The following CDK13 variants were observed in gnomAD, a reference collection of about 807,000 sequenced individuals.
CDK13 encodes the protein cyclin dependent kinase 13.
In CDK13, 40 loss-of-function variants were observed where a neutral mutation model predicts 137.6. The observed-to-expected ratio is 0.29, with a 90% CI of 0.23 to 0.38. The LOEUF is 0.38. Among genes scored for constraint, CDK13 ranks in the 10% least tolerant of loss-of-function variants. The pLI, the probability that CDK13 is intolerant of heterozygous loss-of-function variation, is 1.00. For missense variants in CDK13, 1,704 were observed against 1,951.8 expected (o/e 0.87, Z 2.39); for synonymous variants, 869 against 760.1 (o/e 1.14, Z -2.36).
intron 5 of CDK13, among the ~76,000 whole-genome samples, chr7:40,006,225 T>C (rs553145709): frequency 1.3e-5 from 2 of 152,286 alleles, no homozygotes; most frequent in African/African-American, 4.8e-5. Context: ...CGTGTTCCTC[T>C]AGGTACTCAG....
chr7:39,965,439 C>T (rs1239874853), intron 1 of CDK13, among the ~76,000 whole-genome samples: 9 of 152,136 alleles, frequency 5.9e-5, no homozygotes, highest in Non-Finnish European at 7.4e-5. Context: ...AGGATTGCGA[C>T]CACTGCCTTT....
intron 5 of CDK13, among the ~76,000 whole-genome samples, chr7:40,025,819 A>G (rs1279007329): frequency 6.6e-6 from 1 of 152,210 alleles, no homozygotes; most frequent in Non-Finnish European, 1.5e-5. Context: ...CTTGCCTTAT[A>G]TGAACACTTA....
chr7:40,077,874 A>C, intron 9 of CDK13, 131 bp from the exon 10 acceptor site: 1 of 519,122 alleles, frequency 1.9e-6, no homozygotes, highest in South Asian at 3.8e-5. Context: ...GAAAGAATAA[A>C]ATAACAAAAG....
At position 39,951,632 on chromosome 7, in the gene CDK13, G is replaced by A; in HGVS notation, c.991G>A (p.Ala331Thr). ...GRDDSPVSHR[A>T]SQSLRSRKSP... ...GGACGACAGCCCGGTGTCCCACAGGGCCTCTCAGAGCCTGAGGAGCCGCAA... is the reference window on the plus strand; with the variant it reads ...GGACGACAGCCCGGTGTCCCACAGGACCTCTCAGAGCCTGAGGAGCCGCAA... The change falls in exon 1 of 14, where the codon GCC (alanine) becomes ACC (threonine). Residue 331 changes from alanine to threonine, a missense_variant. Ala to Thr is a moderately conservative substitution (Grantham distance 58, BLOSUM62 0). Coordinates refer to ENST00000181839, the MANE Select transcript of CDK13 (RefSeq NM_003718.5). The A allele has an allele frequency of 6.8e-7, 1 of 1,476,796 alleles. No homozygotes were observed. Among genetic ancestry groups the A allele is most frequent in the South Asian group, 1.4e-5 (1 of 73,278 alleles). The allele number at this position is 1,476,796 out of a possible 1,614,324, so 91.5% of individuals were successfully genotyped here.
intron 5 of CDK13, among the ~76,000 whole-genome samples, chr7:40,021,501 AAAT>A (rs1785125067): frequency 2.6e-5 from 4 of 152,180 alleles, no homozygotes; most frequent in Admixed American, 2.6e-4. Context: ...AAAAAAAAGG[AAAT>A]AATAATTTGT....
At position 40,033,835 on chromosome 7, in the gene CDK13, T is replaced by C. The variant is rs80307577; in HGVS notation, c.2354-12001T>C. ...GGTCTGTAGTCTCTACAAGTACTTC[T>C]AAGTTTTGGTTTTTCCCTGCAGTGA... On this transcript the variant is annotated intron_variant, in intron 5 of 13. Coordinates refer to ENST00000181839, the MANE Select transcript of CDK13 (RefSeq NM_003718.5). Among the ~76,000 whole-genome samples the C allele has an allele frequency of 3.6e-3, 546 of 152,346 alleles. 1 individual carries two copies. The highest frequency in any genetic ancestry group is 0.012 in the African/African-American group (481 of 41,568).
At chr7:39,969,949 C>T (rs1337218179) in intron 1 of CDK13, among the ~76,000 whole-genome samples, 1 of 151,642 alleles carries the variant, frequency 6.6e-6, no homozygotes, top group African/African-American at 2.4e-5. Flanking sequence ...CTTTCCCTAA[C>T]AGTAATTTCC....
intron 5 of CDK13, among the ~76,000 whole-genome samples, chr7:40,015,349 G>A (rs1784981799): frequency 1.3e-5 from 2 of 152,156 alleles, no homozygotes; most frequent in Admixed American, 1.3e-4. Flanking sequence ...CCTGAACAGT[G>A]CAGTAGAGCA....
chr7:40,047,308 T>A (rs1165337877), intron 6 of CDK13, among the ~76,000 whole-genome samples: 1 of 152,108 alleles, frequency 6.6e-6, no homozygotes, highest in Non-Finnish European at 1.5e-5. Context: ...AATTCTCTTG[T>A]AATTGGTACT....
rs2116062832 is a variant in CDK13 at position 39,951,375 on chromosome 7, T to G, written c.734T>G (p.Val245Gly). 1.3e-6 allele frequency: 2 copies of G among 1,514,954 alleles called. No homozygotes were observed. Among genetic ancestry groups the G allele is most frequent in the Non-Finnish European group, 1.8e-6 (2 of 1,136,108 alleles). 93.8% of individuals were successfully genotyped at this position (1,514,954 alleles called of 1,614,324 possible). A position where few individuals can be genotyped will look rare whatever the true frequency, so the allele number is the denominator to read the frequency against. The stretch of plus-strand genomic sequence containing the variant: ...CACAGCGGCGAGGAACGGGCCGAGG[T>G]CGCCAAGAGCGGCAGCAGCAGCAGC... ...HSHSGEERAE[V>G]AKSGSSSSSG... Residue 245 changes from valine (V) to glycine (G), a missense_variant, in exon 1 of 14, where the codon GTC becomes GGC. Physicochemically the swap from Val to Gly is moderately radical, Grantham distance 109 (BLOSUM62 -3). Coordinates refer to ENST00000181839, the MANE Select transcript of CDK13 (RefSeq NM_003718.5).
At chr7:40,039,165 C>T (rs1785549748) in intron 5 of CDK13, among the ~76,000 whole-genome samples, 1 of 152,084 alleles carries the variant, frequency 6.6e-6, no homozygotes, top group Admixed American at 6.5e-5. Context: ...GGGCACTTTG[C>T]TCTTTTTTCG....
intron 5 of CDK13, among the ~76,000 whole-genome samples, chr7:40,018,110 A>G (rs1383095788): frequency 2.0e-5 from 3 of 151,848 alleles, no homozygotes; most frequent in East Asian, 1.9e-4. Flanking sequence ...TGCATTTTAG[A>G]TGGATATGAG....
chr7:39,951,527 C>T lies in CDK13; in HGVS notation c.886C>T (p.Pro296Ser), dbSNP rs1342308378. 4 of 1,530,788 alleles carry T rather than the reference C, an allele frequency of 2.6e-6. No homozygotes were observed. The highest frequency in any genetic ancestry group is 3.5e-6 in the Non-Finnish European group (4 of 1,140,996). 94.8% of individuals were successfully genotyped at this position (1,530,788 alleles called of 1,614,324 possible). The change falls in exon 1 of 14, where the codon CCG (proline) becomes TCG (serine). Residue 296 changes from proline (P) to serine (S), a missense_variant. By Grantham distance (74) the Pro-to-Ser change is moderately conservative. Around this residue, in one of 5 missense-constraint regions of CDK13, gnomAD observed 1,051 missense variants for 931.0 expected, o/e 1.13. Coordinates refer to ENST00000181839, the MANE Select transcript of CDK13 (RefSeq NM_003718.5). ...GGAGCCGCCTTCGGCCTACAAGGAA[C>T]CGCCCAAGGCCTACCGGGAGGACAA... ...SKEPPSAYKE[P>S]PKAYREDKTE...
At chr7:40,036,124 C>A (rs1389608806) in intron 5 of CDK13, among the ~76,000 whole-genome samples, 1 of 151,518 alleles carries the variant, frequency 6.6e-6, no homozygotes, top group South Asian at 2.1e-4. Flanking sequence ...CCACTGCACT[C>A]CAGCCTGGGC....
At chr7:40,015,022 A>G (rs1784975590) in intron 5 of CDK13, among the ~76,000 whole-genome samples, 1 of 152,210 alleles carries the variant, frequency 6.6e-6, no homozygotes, top group Admixed American at 6.5e-5. Context: ...CTGTTTCAGA[A>G]TAATCAAATA....
intron 5 of CDK13, among the ~76,000 whole-genome samples, chr7:40,003,911 A>G (rs572915994): frequency 6.6e-6 from 1 of 152,320 alleles, no homozygotes; most frequent in African/African-American, 2.4e-5. Context: ...GCCTTACCTG[A>G]TCAGTCTTCC....
intron 1 of CDK13, among the ~76,000 whole-genome samples, chr7:39,973,912 A>G (rs1255844947): frequency 3.3e-5 from 5 of 152,192 alleles, no homozygotes; most frequent in South Asian, 4.1e-4. Flanking sequence ...GGATTTATTT[A>G]TGTACTCTGA....
At chr7:40,067,433 C>T (rs952370370) in intron 9 of CDK13, 2 of 152,270 alleles carry the variant, frequency 1.3e-5, no homozygotes, top group African/African-American at 4.8e-5. Context: ...AATCCCAGCT[C>T]CTTGGGAGGC....
rs530699031 is a variant in CDK13 at position 40,018,651 on chromosome 7, A to G, written c.2353+16620A>G. 2.0e-5 allele frequency among the ~76,000 whole-genome samples: 3 copies of G among 152,342 alleles called. No homozygotes were observed. The East Asian group carries it at 5.8e-4, about 29-fold the overall frequency. On this transcript the variant is annotated intron_variant, in intron 5 of 13. Transcript: ENST00000181839. ...GCCATTATTCTAAGTGAAGTAACTCAGGAATGGAAAACCAAATACTGTTAT... is the reference window on the plus strand; with the variant it reads ...GCCATTATTCTAAGTGAAGTAACTCGGGAATGGAAAACCAAATACTGTTAT...
Sources: gnomAD v4.1 joint callset for allele counts (sites outside exome capture counted in the v4.1 genomes callset) on GRCh38, gnomAD v4.1.1 for gene constraint, gnomAD v4.1.1 regional missense constraint, MANE v1.5 for transcripts, NCBI Gene and HGNC (gene_info 2026-07-23, HGNC 2026-07-21) for gene names.